The following EDIL3 variants were observed in gnomAD, a reference collection of about 807,000 sequenced individuals.
EDIL3 encodes the protein EGF-like repeat and discoidin I-like domain-containing protein 3.
Under a neutral mutation model 67.4 loss-of-function variants are expected in EDIL3, and 37 were observed. The ratio of observed to expected loss-of-function variants is 0.55; its 90% CI spans 0.42 to 0.72. The LOEUF (loss-of-function observed/expected upper bound fraction) is 0.72, where lower values mean the gene tolerates loss of function less well. Among genes scored for constraint, EDIL3 ranks in the 30% least tolerant of loss-of-function variants. The pLI is 0.00. For synonymous variants in EDIL3, 195 were observed against 196.3 expected, an observed-to-expected ratio of 0.99 and a Z score of 0.05; for missense variants, 527 against 586.3, an observed-to-expected ratio of 0.90 and a Z score of 1.04.
intron 1 of EDIL3, among the ~76,000 whole-genome samples, chr5:84,303,154 C>T (rs1746192782): frequency 6.6e-6 from 1 of 152,236 alleles, no homozygotes; most frequent in Non-Finnish European, 1.5e-5. Context: ...CAGTTATCTA[C>T]TCTCTGCTTT....
intron 3 of EDIL3, among the ~76,000 whole-genome samples, chr5:84,220,296 C>T (rs1744316651): frequency 6.6e-6 from 1 of 152,134 alleles, no homozygotes; most frequent in Admixed American, 6.6e-5. Flanking sequence ...TCAGTACAGA[C>T]AGTGCACATC....
At chr5:84,117,020 ATTTTT>A (rs34997139) in intron 5 of EDIL3, among the ~76,000 whole-genome samples, 1 of 83,242 alleles carries the variant, frequency 1.2e-5, no homozygotes, top group South Asian at 4.7e-4. Flanking sequence ...TTAAGTACTT[ATTTTT>A]TTTTTTTTTT....
rs61373036 is a variant in EDIL3, at chr5:84,080,505, C to T, written c.652-13899G>A. 4.6e-3 allele frequency among the ~76,000 whole-genome samples: 701 copies of T among 152,132 alleles called. 9 individuals are homozygous for T. Among genetic ancestry groups the T allele is most frequent in the African/African-American group, 0.016 (668 of 41,488 alleles). ...CTTCTGTTCTTGCAGATTAATTGCACGCTCATCAAGGGTCATTTGTGTTTG... is the reference window on the plus strand; with the variant it reads ...CTTCTGTTCTTGCAGATTAATTGCATGCTCATCAAGGGTCATTTGTGTTTG... On this transcript the variant is annotated intron_variant, in intron 6 of 10. Coordinates refer to ENST00000296591, the MANE Select transcript of EDIL3 (RefSeq NM_005711.5).
chr5:84,140,602 A>T (rs553397165), intron 4 of EDIL3, among the ~76,000 whole-genome samples: 1 of 77,072 alleles, frequency 1.3e-5, no homozygotes, highest in East Asian at 4.7e-4. Context: ...AGAGGTTAAG[A>T]TGAAGTGGAA....
chr5:84,079,594 T>C (rs1269969920), intron 6 of EDIL3, among the ~76,000 whole-genome samples: 7 of 152,016 alleles, frequency 4.6e-5, no homozygotes, highest in South Asian at 2.1e-4. Context: ...CTGGTCACAG[T>C]GAAAACAATT....
At chr5:84,219,061 G>A (rs1561225276) in intron 3 of EDIL3, among the ~76,000 whole-genome samples, 1 of 152,202 alleles carries the variant, frequency 6.6e-6, no homozygotes. Context: ...ATCCAGTGCT[G>A]TGCTGGCTTC....
chr5:84,277,938 C>A (rs986777699), intron 1 of EDIL3, among the ~76,000 whole-genome samples: 1 of 152,128 alleles, frequency 6.6e-6, no homozygotes, highest in Non-Finnish European at 1.5e-5. Context: ...GAAGATTCAA[C>A]CTTTTAATTT....
At chr5:84,155,770 T>C (rs348893) in intron 4 of EDIL3, among the ~76,000 whole-genome samples, 17,122 of 152,250 alleles carry the variant, frequency 0.11, 1,124 homozygotes, top group South Asian at 0.19. Flanking sequence ...ATATTTTCTT[T>C]ATGATCCTAA....
In EDIL3 at chr5:84,139,897, T is replaced by C. The variant is rs866529323; in HGVS notation, c.356-2543A>G. On this transcript the variant is annotated intron_variant, in intron 4 of 10. Coordinates refer to ENST00000296591, the MANE Select transcript of EDIL3 (RefSeq NM_005711.5). ...CAACTTTGAAGAAGAATGTTCATGATATGATCGTGTGTTTAGGTACAGGAG... is the reference window on the plus strand; with the variant it reads ...CAACTTTGAAGAAGAATGTTCATGACATGATCGTGTGTTTAGGTACAGGAG... Among the ~76,000 whole-genome samples the C allele has an allele frequency of 9.9e-5, 15 of 152,156 alleles. No individual in the cohort carries two copies. The South Asian group carries it at 1.2e-3, about 13-fold the overall frequency.
intron 1 of EDIL3, among the ~76,000 whole-genome samples, chr5:84,309,503 C>T (rs1316805504): frequency 6.6e-6 from 1 of 151,788 alleles, no homozygotes; most frequent in Non-Finnish European, 1.5e-5. Context: ...GTCCCCCCAC[C>T]CCACAACAGT....
intron 3 of EDIL3, among the ~76,000 whole-genome samples, chr5:84,227,764 T>C (rs1268265229): frequency 2.0e-5 from 3 of 152,132 alleles, no homozygotes; most frequent in Non-Finnish European, 4.4e-5. Context: ...TGAAATTATA[T>C]GCCTCTTAGC....
At chr5:84,074,203 C>T (rs59858172) in intron 6 of EDIL3, among the ~76,000 whole-genome samples, 90,502 of 138,404 alleles carry the variant, frequency 0.65, 30,996 homozygotes, top group African/African-American at 0.81. Flanking sequence ...TAATTCAAGA[C>T]GGATTAAAGA....
At chr5:84,120,072 A>G (rs1435856900) in intron 5 of EDIL3, among the ~76,000 whole-genome samples, 1 of 152,044 alleles carries the variant, frequency 6.6e-6, no homozygotes, top group African/African-American at 2.4e-5. Context: ...AACTATGCAT[A>G]ACTATTGATT....
intron 1 of EDIL3, among the ~76,000 whole-genome samples, chr5:84,265,157 A>C (rs1255112805): frequency 6.6e-6 from 1 of 152,224 alleles, no homozygotes; most frequent in Non-Finnish European, 1.5e-5. Flanking sequence ...GCAAAGCCTA[A>C]TTTCATGCTT....
At chr5:84,092,827 A>G (rs1351242873) in intron 6 of EDIL3, among the ~76,000 whole-genome samples, 1 of 152,154 alleles carries the variant, frequency 6.6e-6, no homozygotes, top group Non-Finnish European at 1.5e-5. Flanking sequence ...AACAAAAAAC[A>G]GAAGTGGGAT....
chr5:83,963,971 G>A (rs1374913376), intron 9 of EDIL3, among the ~76,000 whole-genome samples: 2 of 151,730 alleles, frequency 1.3e-5, no homozygotes, highest in African/African-American at 4.8e-5. Flanking sequence ...TGGTTGAGGA[G>A]GAAGGCAAAT....
chr5:84,053,936 G>A (rs1382071791), intron 9 of EDIL3, among the ~76,000 whole-genome samples: 3 of 152,114 alleles, frequency 2.0e-5, no homozygotes, highest in African/African-American at 7.2e-5. Flanking sequence ...GAAAAAGAGG[G>A]AATCCTCCCT....
chr5:84,181,288 T>C (rs1337179836), intron 3 of EDIL3: 5 of 152,188 alleles, frequency 3.3e-5, no homozygotes, highest in African/African-American at 9.7e-5. Flanking sequence ...GCCAGGAGTG[T>C]GGTTAGCTGA....
chr5:84,006,581 G>T (rs1561400498), intron 9 of EDIL3, among the ~76,000 whole-genome samples: 1 of 152,078 alleles, frequency 6.6e-6, no homozygotes, highest in Non-Finnish European at 1.5e-5. Flanking sequence ...GAGAGCAGAG[G>T]TTGGAAGGAA....
Sources: gnomAD v4.1 joint callset for allele counts (sites outside exome capture counted in the v4.1 genomes callset) on GRCh38, gnomAD v4.1.1 for gene constraint, MANE v1.5 for transcripts, NCBI Gene and HGNC (gene_info 2026-07-23, HGNC 2026-07-21) for gene names.